The following ZFHX3 variants were observed in gnomAD, a reference collection of about 807,000 sequenced individuals.
ZFHX3 encodes zinc finger homeobox 3.
In ZFHX3, 42 loss-of-function variants were observed where a neutral mutation model predicts 279.1. The ratio of observed to expected loss-of-function variants is 0.15; its 90% CI spans 0.12 to 0.19. The LOEUF (loss-of-function observed/expected upper bound fraction) is 0.19, where lower values mean the gene tolerates loss of function less well. ZFHX3 is among the 10% of genes least tolerant of loss of function. The probability of loss-of-function intolerance (pLI) is 1.00; values close to 1 mark genes in which losing one functional copy is unlikely to be tolerated. For missense variants in ZFHX3, 4,981 were observed against 4,754.0 expected, an observed-to-expected ratio of 1.05 and a Z score of -1.40; for synonymous variants, 2,293 against 1,957.8, an observed-to-expected ratio of 1.17 and a Z score of -4.52.
intron 4 of ZFHX3, among the ~76,000 whole-genome samples, chr16:73,310,134 C>G (rs1214334845): frequency 1.3e-5 from 2 of 151,908 alleles, no homozygotes; most frequent in Non-Finnish European, 2.9e-5. Context: ...GTCTCGAACA[C>G]CTGACCTTGT....
intron 8 of ZFHX3, among the ~76,000 whole-genome samples, chr16:73,082,139 C>T (rs539930620): frequency 5.9e-4 from 90 of 151,842 alleles, no homozygotes; most frequent in Non-Finnish European, 9.4e-4. Context: ...ATCCAGCCCT[C>T]GTCTACATCT....
chr16:73,288,703 G>T (rs913593748), intron 4 of ZFHX3, among the ~76,000 whole-genome samples: 1 of 152,038 alleles, frequency 6.6e-6, no homozygotes, highest in Admixed American at 6.5e-5. Flanking sequence ...TTCTGCAGCA[G>T]CTGCTGCCGC....
chr16:73,710,056 G>A (rs536457530), intron 1 of ZFHX3, among the ~76,000 whole-genome samples: 5 of 152,112 alleles, frequency 3.3e-5, no homozygotes, highest in Middle Eastern at 3.4e-3. Context: ...GGTAGCGGGC[G>A]CCTATAATCC....
intron 3 of ZFHX3, among the ~76,000 whole-genome samples, chr16:72,921,670 G>A (rs893790622): frequency 2.0e-5 from 3 of 152,332 alleles, no homozygotes; most frequent in South Asian, 2.1e-4. Flanking sequence ...ATCACTGCAT[G>A]TACAGAAGGG....
At chr16:73,197,995 T>G (rs947595912) in intron 5 of ZFHX3, among the ~76,000 whole-genome samples, 3 of 127,458 alleles carry the variant, frequency 2.4e-5, no homozygotes, top group Admixed American at 1.0e-4. Context: ...TGGAGTGCAG[T>G]GGCACGATCT....
At chr16:73,681,488 G>A (rs376296318) in intron 1 of ZFHX3, among the ~76,000 whole-genome samples, 1 of 152,184 alleles carries the variant, frequency 6.6e-6, no homozygotes, top group Non-Finnish European at 1.5e-5. Flanking sequence ...AAAATGGGGA[G>A]AAAGCCGAGA....
chr16:73,726,612 T>C (rs1306871346), intron 1 of ZFHX3, among the ~76,000 whole-genome samples: 1 of 152,196 alleles, frequency 6.6e-6, no homozygotes, highest in Non-Finnish European at 1.5e-5. Flanking sequence ...GGCACTGGCA[T>C]CTGCTCAGCT....
chr16:73,027,954 C>T (rs534437721), intron 1 of ZFHX3, among the ~76,000 whole-genome samples: 16 of 152,246 alleles, frequency 1.1e-4, no homozygotes, highest in Admixed American at 8.5e-4. Flanking sequence ...CCACGGGGAC[C>T]ATATTTCACA....
At chr16:73,014,970 T>G (rs1964048745) in intron 1 of ZFHX3, 1 of 151,372 alleles carries the variant, frequency 6.6e-6, no homozygotes, top group South Asian at 2.1e-4. Flanking sequence ...AGGGACCAGC[T>G]GAAACCTCTC....
At chr16:73,332,993 C>T (rs1006060013) in intron 3 of ZFHX3, among the ~76,000 whole-genome samples, 27 of 152,102 alleles carry the variant, frequency 1.8e-4, no homozygotes, top group African/African-American at 6.5e-4. Context: ...GGCTTCCCTC[C>T]CTCCTTATTC....
intron 1 of ZFHX3, among the ~76,000 whole-genome samples, chr16:73,714,754 C>T (rs1190234734): frequency 6.6e-6 from 1 of 152,140 alleles, no homozygotes; most frequent in African/African-American, 2.4e-5. Context: ...ATCCACTTCC[C>T]CTCCTTTCCA....
intron 3 of ZFHX3, among the ~76,000 whole-genome samples, chr16:73,442,116 T>C (rs2018104896): frequency 6.6e-6 from 1 of 152,058 alleles, no homozygotes; most frequent in Non-Finnish European, 1.5e-5. Context: ...TGTTTACAGA[T>C]GACCAGAATG....
At chr16:73,337,093 A>T (rs1327669620) in intron 3 of ZFHX3, among the ~76,000 whole-genome samples, 1 of 152,138 alleles carries the variant, frequency 6.6e-6, no homozygotes, top group East Asian at 1.9e-4. Context: ...ATTAGACTCA[A>T]TATCATCATA....
intron 7 of ZFHX3, among the ~76,000 whole-genome samples, chr16:73,119,114 A>T (rs1597163427): frequency 6.6e-6 from 1 of 151,432 alleles, no homozygotes; most frequent in African/African-American, 2.4e-5. Flanking sequence ...TTTTATTTTT[A>T]TTTTTTTGAG....
At chr16:73,701,070 A>G (rs2053241344) in intron 1 of ZFHX3, among the ~76,000 whole-genome samples, 1 of 152,222 alleles carries the variant, frequency 6.6e-6, no homozygotes, top group Non-Finnish European at 1.5e-5. Context: ...TTGTGTGTTC[A>G]TATAGATCAG....
At chr16:73,706,407 G>C (rs548654104) in intron 1 of ZFHX3, among the ~76,000 whole-genome samples, 8 of 146,096 alleles carry the variant, frequency 5.5e-5, no homozygotes, top group Admixed American at 2.1e-4. Flanking sequence ...AGCGAGCCTA[G>C]ATCGCACCAC....
At chr16:72,967,423 T>C (rs963032129) in intron 1 of ZFHX3, among the ~76,000 whole-genome samples, 2 of 151,978 alleles carry the variant, frequency 1.3e-5, no homozygotes, top group East Asian at 3.9e-4. Flanking sequence ...CAACCCAATG[T>C]GTAACATAAC....
chr16:73,694,289 T>G (rs919965709), intron 1 of ZFHX3, among the ~76,000 whole-genome samples: 1 of 152,164 alleles, frequency 6.6e-6, no homozygotes, highest in African/African-American at 2.4e-5. Context: ...CACCACTGCA[T>G]TCCAGCCTGG....
chr16:73,428,012 TC>T (rs1372384263), intron 3 of ZFHX3, among the ~76,000 whole-genome samples: 5 of 152,088 alleles, frequency 3.3e-5, no homozygotes, highest in African/African-American at 1.2e-4. Context: ...ACACAAATTA[TC>T]CCTTAGAACA....
Sources: allele counts gnomAD v4.1 joint callset (sites outside exome capture counted in the v4.1 genomes callset), GRCh38; gene constraint gnomAD v4.1.1; transcripts MANE v1.5; gene names NCBI Gene and HGNC (gene_info 2026-07-23, HGNC 2026-07-21).